The following ASTN2 variants were observed in gnomAD, a reference collection of about 807,000 sequenced individuals.
ASTN2 encodes the protein astrotactin 2.
A neutral mutation model predicts 139.8 loss-of-function variants in ASTN2; 54 were observed. The observed-to-expected ratio is 0.39, with a 90% CI of 0.31 to 0.48. The LOEUF (loss-of-function observed/expected upper bound fraction) is 0.48. Among genes scored for constraint, ASTN2 ranks in the 20% least tolerant of loss-of-function variants. ASTN2 has a pLI of 0.95. For missense variants in ASTN2, 1,565 were observed against 1,725.1 expected (o/e 0.91, Z 1.64); for synonymous variants, 756 against 719.5 (o/e 1.05, Z -0.81).
At chr9:116,955,786 G>C (rs987079165) in intron 10 of ASTN2, among the ~76,000 whole-genome samples, 6 of 152,212 alleles carry the variant, frequency 3.9e-5, no homozygotes, top group Non-Finnish European at 5.9e-5. Context: ...GGGTTGTTGT[G>C]AGAATTACAA....
chr9:117,197,829 T>G (rs1831557380), intron 3 of ASTN2, among the ~76,000 whole-genome samples: 1 of 152,182 alleles, frequency 6.6e-6, no homozygotes, highest in African/African-American at 2.4e-5. Context: ...GAAAAATATT[T>G]TGCTGGGTAC....
In ASTN2 at chr9:116,504,910, A is replaced by C. The variant is rs545703649; in HGVS notation, c.3356-17410T>G. Among the ~76,000 whole-genome samples, 18 of 151,136 alleles carry C rather than the reference A, an allele frequency of 1.2e-4. No individual in the cohort carries two copies. In the East Asian group the frequency reaches 3.3e-3, roughly 28 times the overall value. On this transcript the variant is annotated intron_variant, in intron 19 of 22. Coordinates refer to ENST00000313400, the MANE Select transcript of ASTN2 (RefSeq NM_001365068.1). ...AATCCTGTCTCAAAAAAAAAAAAAA[A>C]AAAACCCAAAACAACAACAACAAAA...
intron 2 of ASTN2, among the ~76,000 whole-genome samples, chr9:117,221,041 C>G (rs1451170551): frequency 2.0e-5 from 3 of 152,140 alleles, no homozygotes. Flanking sequence ...GTGCTTAGCC[C>G]AGGGAAGGTG....
intron 21 of ASTN2, 72 bp downstream of exon 21, chr9:116,442,381 T>G (rs1847866106): frequency 1.7e-6 from 2 of 1,162,268 alleles, no homozygotes; most frequent in Admixed American, 3.4e-5. Context: ...GTTTAATGAT[T>G]AGTGACTGTT....
intron 10 of ASTN2, among the ~76,000 whole-genome samples, chr9:116,882,627 T>G (rs1444682080): frequency 6.6e-6 from 1 of 152,102 alleles, no homozygotes; most frequent in Non-Finnish European, 1.5e-5. Context: ...TGTAAACTAT[T>G]CTCCAAAAGC....
intron 11 of ASTN2, among the ~76,000 whole-genome samples, chr9:116,824,194 G>A (rs765379347): frequency 7.9e-5 from 12 of 152,182 alleles, no homozygotes; most frequent in Non-Finnish European, 1.6e-4. Flanking sequence ...TTACTGTGAT[G>A]GGTAAATAGT....
intron 13 of ASTN2, among the ~76,000 whole-genome samples, chr9:116,737,398 A>G (rs2132132091): frequency 6.6e-6 from 1 of 152,148 alleles, no homozygotes; most frequent in Non-Finnish European, 1.5e-5. Context: ...GGGAGCTGGC[A>G]GGGTGCTGGC....
intron 5 of ASTN2, among the ~76,000 whole-genome samples, chr9:117,049,429 A>G (rs568768199): frequency 1.3e-5 from 2 of 152,332 alleles, no homozygotes; most frequent in African/African-American, 4.8e-5. Context: ...GACATTGCAG[A>G]ACCACCATTC....
chr9:117,298,012 A>G (rs1403211660), intron 1 of ASTN2, among the ~76,000 whole-genome samples: 1 of 152,218 alleles, frequency 6.6e-6, no homozygotes, highest in Non-Finnish European at 1.5e-5. Flanking sequence ...CTTAACAGGT[A>G]TCCCTACCTT....
chr9:116,573,606 T>C (rs963337308), intron 19 of ASTN2, among the ~76,000 whole-genome samples: 8 of 151,702 alleles, frequency 5.3e-5, no homozygotes, highest in Admixed American at 4.6e-4. Flanking sequence ...TAAATAACTA[T>C]TTACTACAAG....
At chr9:116,962,406 C>T (rs1835899027) in intron 10 of ASTN2, among the ~76,000 whole-genome samples, 1 of 152,170 alleles carries the variant, frequency 6.6e-6, no homozygotes. Flanking sequence ...AAAGATGCCC[C>T]ATAGGAACCA....
intron 1 of ASTN2, among the ~76,000 whole-genome samples, chr9:117,317,258 C>A (rs781702681): frequency 3.3e-5 from 5 of 152,150 alleles, no homozygotes; most frequent in Non-Finnish European, 7.3e-5. Context: ...TATTTCAGAG[C>A]CTCAGGAAGC....
intron 10 of ASTN2, among the ~76,000 whole-genome samples, chr9:116,961,383 C>T (rs1398689070): frequency 6.6e-6 from 1 of 152,102 alleles, no homozygotes; most frequent in East Asian, 1.9e-4. Flanking sequence ...ATTCTCCCCT[C>T]CCCCAACTCT....
At chr9:116,683,858 CT>C (rs1386982590) in intron 16 of ASTN2, among the ~76,000 whole-genome samples, 2 of 152,108 alleles carry the variant, frequency 1.3e-5, no homozygotes, top group Non-Finnish European at 2.9e-5. Context: ...CAGGACACAA[CT>C]GGAGAAATTG....
At chr9:116,929,992 C>T (rs1389756317) in intron 10 of ASTN2, among the ~76,000 whole-genome samples, 1 of 152,174 alleles carries the variant, frequency 6.6e-6, no homozygotes, top group Admixed American at 6.5e-5. Context: ...CTAATGGAGG[C>T]TGATGGGATG....
At chr9:116,627,348 C>A (rs1171221405) in intron 17 of ASTN2, among the ~76,000 whole-genome samples, 1 of 152,086 alleles carries the variant, frequency 6.6e-6, no homozygotes, top group Non-Finnish European at 1.5e-5. Context: ...TTCATTGGCA[C>A]GGATTCTTGG....
chr9:116,855,639 G>T (rs533055349), intron 11 of ASTN2, among the ~76,000 whole-genome samples: 1 of 152,278 alleles, frequency 6.6e-6, no homozygotes, highest in South Asian at 2.1e-4. Flanking sequence ...CTTATCCCTA[G>T]GGAACTATTC....
At chr9:117,353,380 T>C (rs1829445128) in intron 1 of ASTN2, among the ~76,000 whole-genome samples, 1 of 152,164 alleles carries the variant, frequency 6.6e-6, no homozygotes, top group Non-Finnish European at 1.5e-5. Context: ...TGGTCAACAC[T>C]AGCCACACAG....
intron 17 of ASTN2, among the ~76,000 whole-genome samples, chr9:116,641,023 G>C (rs1056853751): frequency 7.9e-5 from 12 of 152,152 alleles, no homozygotes; most frequent in African/African-American, 2.9e-4. Flanking sequence ...TTGGTTTCAG[G>C]ATTTTAAAAA....
Sources: gnomAD v4.1 joint callset for allele counts (sites outside exome capture counted in the v4.1 genomes callset) on GRCh38, gnomAD v4.1.1 for gene constraint, MANE v1.5 for transcripts, NCBI Gene and HGNC (gene_info 2026-07-23, HGNC 2026-07-21) for gene names.